COL6A3: variants seen among roughly 807,000 people sequenced by gnomAD.
COL6A3 encodes collagen alpha-3(VI) chain.
A neutral mutation model predicts 274.1 loss-of-function variants in COL6A3; 137 were observed. The ratio of observed to expected loss-of-function variants is 0.50; its 90% CI spans 0.44 to 0.58. The LOEUF is 0.58. COL6A3 is among the 20% of genes least tolerant of loss of function. The pLI, the probability that COL6A3 is intolerant of heterozygous loss-of-function variation, is 0.00. For synonymous variants in COL6A3, 1,650 were observed against 1,650.6 expected, an observed-to-expected ratio of 1.00 and a Z score of 0.01; for missense variants, 3,950 against 4,124.9, an observed-to-expected ratio of 0.96 and a Z score of 1.16.
intron 20 of COL6A3, 134 bp downstream of exon 20, chr2:237,358,901 G>A (rs920654687): frequency 3.3e-6 from 3 of 905,200 alleles, no homozygotes; most frequent in African/African-American, 3.3e-5. Context: ...TGTAATGGGT[G>A]CACTCACAGG....
chr2:237,334,791 G>A lies in COL6A3; in HGVS notation c.9064C>T (p.Leu3022Phe). ...AEPPGPYFYD[L>F]TVTSAHDQSL... Reference sequence around the variant, plus strand: ...TGATCATGGGCTGAGGTGACGGTGAGGTCATAAAAATAAGGACCGGGGGGC... The same window carrying A: ...TGATCATGGGCTGAGGTGACGGTGAAGTCATAAAAATAAGGACCGGGGGGC... The change falls in exon 41 of 44, where the codon CTC becomes TTC. Residue 3022 changes from leucine (L) to phenylalanine (F), a missense_variant. By Grantham distance (22) the Leu-to-Phe change is conservative (BLOSUM62 0). Transcript: ENST00000295550. 1 of 1,614,140 alleles carries A rather than the reference G, an allele frequency of 6.2e-7. No homozygotes were observed. The highest frequency in any genetic ancestry group is 2.2e-5 in the East Asian group (1 of 44,874).
chr2:237,381,613 G>A (rs1273990539), intron 4 of COL6A3, 114 bp from the exon 5 acceptor site: 28 of 880,092 alleles, frequency 3.2e-5, no homozygotes, highest in Non-Finnish European at 4.5e-5. Flanking sequence ...TGTGGCCAAC[G>A]TGACCACAGG....
At chr2:237,373,434 C>T (rs2077745053) in intron 8 of COL6A3, among the ~76,000 whole-genome samples, 1 of 152,166 alleles carries the variant, frequency 6.6e-6, no homozygotes, top group Non-Finnish European at 1.5e-5. Flanking sequence ...ATCATAAATG[C>T]TCAGGAACAT....
chr2:237,373,170 G>T (rs544458169), intron 8 of COL6A3, among the ~76,000 whole-genome samples: 11 of 152,236 alleles, frequency 7.2e-5, no homozygotes, highest in African/African-American at 2.6e-4. Context: ...AGAGTGAGTG[G>T]GCAAAGAGCC....
At position 237,370,378 on chromosome 2, in the gene COL6A3, A is replaced by G. The variant is rs183256861; in HGVS notation, c.4286-1201T>C. 3.4e-4 allele frequency among the ~76,000 whole-genome samples: 51 copies of G among 151,918 alleles called. 2 individuals are homozygous for G. Among genetic ancestry groups the G allele is most frequent in the African/African-American group, 1.1e-3 (46 of 41,402 alleles). ...CTCAGCCTCCCGAGTAGCTGGGACT[A>G]CAGGTGTGTGCCACCACACCCAGCT... is the stretch of plus-strand genomic sequence containing the variant. On this transcript the variant is annotated intron_variant, in intron 9 of 43. Coordinates refer to ENST00000295550, the MANE Select transcript of COL6A3 (RefSeq NM_004369.4).
At chr2:237,330,289 T>TCAG (rs1700158632) in intron 42 of COL6A3, 1 of 152,112 alleles carries the variant, frequency 6.6e-6, no homozygotes, top group African/African-American at 2.4e-5. Flanking sequence ...ACTGTCAAAA[T>TCAG]CAGCAGCGAC....
At chr2:237,333,292 G>T in intron 42 of COL6A3, 158 bp downstream of exon 42, 2 of 709,350 alleles carry the variant, frequency 2.8e-6, no homozygotes, top group African/African-American at 1.7e-5. Context: ...CTGGGATTAT[G>T]CAGAATAAGA....
intron 23 of COL6A3, chr2:237,356,888 C>A (rs11677456): frequency 4.6e-6 from 1 of 215,742 alleles, no homozygotes; most frequent in Non-Finnish European, 9.3e-6. Flanking sequence ...AGATGCAATA[C>A]GCCAGAAAAA....
rs371745862 is a variant in COL6A3, at chr2:237,336,516, C to T, written c.8584G>A (p.Val2862Ile). The change falls in exon 40 of 44, where the codon GTT becomes ATT. Residue 2862 changes from valine to isoleucine, a missense_variant. Val to Ile is a conservative substitution (Grantham distance 29). Around this residue, in one of 5 missense-constraint regions of COL6A3, gnomAD observed 1,284 missense variants for 1,349.7 expected, o/e 0.95. Coordinates refer to ENST00000295550, the MANE Select transcript of COL6A3 (RefSeq NM_004369.4). The stretch of plus-strand genomic sequence containing the variant: ...GGGTTGGATGTAGGACTTGAAGTAA[C>T]GTTATTCGGAACATTTCTGTTAAGA... ...GHKQVNVPNN[V>I]TSSPTSNPVT... 2.8e-5 allele frequency: 46 copies of T among 1,614,170 alleles called. No individual in the cohort carries two copies. In the South Asian group the frequency reaches 2.9e-4, roughly 10 times the overall value.
intron 23 of COL6A3, among the ~76,000 whole-genome samples, chr2:237,356,284 C>A (rs1400781526): frequency 1.3e-5 from 2 of 152,040 alleles, no homozygotes. Flanking sequence ...CATTATATAG[C>A]TTCTTTTTCA....
chr2:237,378,319 C>T (rs956692392), intron 6 of COL6A3, among the ~76,000 whole-genome samples: 2 of 152,198 alleles, frequency 1.3e-5, no homozygotes. Context: ...CTCCCTCCAC[C>T]CCATGATCCC....
chr2:237,410,783 G>C (rs1266062535), intron 1 of COL6A3, among the ~76,000 whole-genome samples: 1 of 152,180 alleles, frequency 6.6e-6, no homozygotes, highest in Non-Finnish European at 1.5e-5. Flanking sequence ...CAAGCAACAT[G>C]TTTTATTTAA....
Position 237,340,621 on chromosome 2 carries a change from C to T in COL6A3, c.8295G>A (p.Lys2765=), listed in dbSNP as rs754928408. ...AQRVILQAKC[K]GYFFVVLGIG... ...TGCCCAGGACCACGAAGAAGTAGCC[C>T]TTGCATTTGGCCTGCAGGATGACTC... Residue 2765 remains lysine, a synonymous_variant, in exon 38 of 44, where the codon AAG becomes AAA. Coordinates refer to ENST00000295550, the MANE Select transcript of COL6A3 (RefSeq NM_004369.4). 6.2e-7 allele frequency: 1 copy of T among 1,614,206 alleles called. No homozygotes were observed. The highest frequency in any genetic ancestry group is 2.2e-5 in the East Asian group (1 of 44,878).
rs1188476787 is a variant in COL6A3, at chr2:237,361,058, A to G, written c.6210+63T>C. The G allele has an allele frequency of 7.5e-7, 1 of 1,335,154 alleles. No homozygotes were observed. The highest frequency in any genetic ancestry group is 1.1e-6 in the Non-Finnish European group (1 of 925,780). The allele number at this position is 1,335,154 out of a possible 1,614,324, so 82.7% of individuals were successfully genotyped here. A position where few individuals can be genotyped will look rare whatever the true frequency, so the allele number is the denominator to read the frequency against. On this transcript the variant is annotated intron_variant, in intron 16 of 43. Transcript: ENST00000295550. This position sits in a 1 kb window ranked among gnomAD's most constrained non-coding sequence, Gnocchi z 5.1. ...AACAAATGATGAAATCCACAATGCA[A>G]TCCCAATGGGTAAGGATCAAGGAGG...
rs776546169 is a variant in COL6A3, at chr2:237,334,652, G to T, written c.9203C>A (p.Ala3068Asp). 2 of 1,613,568 alleles carry T rather than the reference G, an allele frequency of 1.2e-6. No individual in the cohort carries two copies. Among genetic ancestry groups the T allele is most frequent in the East Asian group, 4.5e-5 (2 of 44,880 alleles). Residue 3068 changes from alanine (A) to aspartate (D), a missense_variant, in exon 41 of 44, where the codon GCC becomes GAC. Around this residue, in one of 5 missense-constraint regions of COL6A3, gnomAD observed 1,284 missense variants for 1,349.7 expected, o/e 0.95. Coordinates refer to ENST00000295550, the MANE Select transcript of COL6A3 (RefSeq NM_004369.4). The part of the protein sequence containing the change: ...VVCYLRSQVR[A>D]TYHGSFSTKK... The stretch of plus-strand genomic sequence containing the variant: ...TGTACTGAAACTTCCGTGGTAGGTG[G>T]CTCTGACCTGAGACCTCAGGTAGCA...
Position 237,374,361 on chromosome 2 carries a change from G to A in COL6A3, c.3679+51C>T. ...ACCTTGTGGCCCACAGTCCAGACAA[G>A]TAGCCCCAGACAATGACACTGAGTG... On this transcript the variant is annotated intron_variant, in intron 8 of 43. Coordinates refer to ENST00000295550, the MANE Select transcript of COL6A3 (RefSeq NM_004369.4). The surrounding 1 kb of genome is among the most constrained non-coding windows in gnomAD (Gnocchi z 4.8). The A allele has an allele frequency of 6.2e-7, 1 of 1,603,480 alleles. No homozygotes were observed. Among genetic ancestry groups the A allele is most frequent in the South Asian group, 1.1e-5 (1 of 90,470 alleles).
At position 237,357,395 on chromosome 2, in the gene COL6A3, G is replaced by A. The variant is rs886044433; in HGVS notation, c.6538-4C>T. On this transcript the variant is annotated splice_polypyrimidine_tract_variant and splice_region_variant and intron_variant, in intron 22 of 43. Coordinates refer to ENST00000295550, the MANE Select transcript of COL6A3 (RefSeq NM_004369.4). ...CTCCATCTCTCCCTGGGACACCCTGGTGTGGGGAAAATTAGCATGAGATTC... is the reference window on the plus strand; with the variant it reads ...CTCCATCTCTCCCTGGGACACCCTGATGTGGGGAAAATTAGCATGAGATTC... 8 of 1,613,214 alleles carry A rather than the reference G, an allele frequency of 5.0e-6. No homozygotes were observed. The highest frequency in any genetic ancestry group is 6.8e-6 in the Non-Finnish European group (8 of 1,179,150).
At chr2:237,356,541 G>A (rs1004345532) in intron 23 of COL6A3, among the ~76,000 whole-genome samples, 17 of 152,168 alleles carry the variant, frequency 1.1e-4, no homozygotes, top group Non-Finnish European at 1.8e-4. Context: ...CGGGCCGAAC[G>A]AGCCACTGCC....
chr2:237,389,510 A>G (rs1470685587), intron 3 of COL6A3, among the ~76,000 whole-genome samples: 1 of 152,188 alleles, frequency 6.6e-6, no homozygotes, highest in Admixed American at 6.5e-5. Flanking sequence ...AACATTTTAT[A>G]TTTAAAATTA....
Sources: allele counts gnomAD v4.1 joint callset (sites outside exome capture counted in the v4.1 genomes callset), GRCh38; gene constraint gnomAD v4.1.1; regional missense constraint gnomAD v4.1.1; non-coding constraint Gnocchi (gnomAD v3.1); transcripts MANE v1.5; gene names NCBI Gene and HGNC (gene_info 2026-07-23, HGNC 2026-07-21).